Variants in ZNF83 observed in about 807,000 individuals in gnomAD.
The protein encoded by ZNF83 is zinc finger protein 83.
For missense variants in ZNF83, 552 were observed against 629.9 expected (o/e 0.88, Z 1.32); for synonymous variants, 209 against 213.0 (o/e 0.98, Z 0.17).
intron 2 of ZNF83, among the ~76,000 whole-genome samples, chr19:52,621,900 TC>T (rs2060563008): frequency 6.8e-6 from 1 of 147,710 alleles, no homozygotes; most frequent in Admixed American, 6.8e-5. Flanking sequence ...AGGCATTTTT[TC>T]ACTTCACTTC....
At chr19:52,690,360 G>C in intron 1 of ZNF83, 1 of 154,268 alleles carries the variant, frequency 6.5e-6, no homozygotes, top group Admixed American at 6.5e-5. Context: ...AGAAGTTCCA[G>C]ATCTGTGGGG....
chr19:52,623,175 G>C (rs1471011986), intron 2 of ZNF83, among the ~76,000 whole-genome samples: 1 of 152,208 alleles, frequency 6.6e-6, no homozygotes, highest in Non-Finnish European at 1.5e-5. Flanking sequence ...CTGGCCCATG[G>C]CTCTTTGACT....
intron 1 of ZNF83, among the ~76,000 whole-genome samples, chr19:52,677,028 C>A (rs1311915939): frequency 6.8e-6 from 1 of 147,662 alleles, no homozygotes; most frequent in Non-Finnish European, 1.5e-5. Context: ...AAACCAGAGA[C>A]CTTTGTTCAC....
intron 3 of ZNF83, among the ~76,000 whole-genome samples, chr19:52,647,116 G>A (rs2061381808): frequency 6.6e-6 from 1 of 151,964 alleles, no homozygotes; most frequent in Non-Finnish European, 1.5e-5. Flanking sequence ...AACAGAAAGT[G>A]GTTTTTTTCC....
chr19:52,614,916 C>G, intron 2 of ZNF83, 119 bp from the exon 3 acceptor site: 1 of 986,946 alleles, frequency 1.0e-6, no homozygotes, highest in Non-Finnish European at 1.3e-6. Context: ...AGTTATAAAA[C>G]TCCCATTCAT....
intron 3 of ZNF83, among the ~76,000 whole-genome samples, chr19:52,646,284 C>T (rs1051233160): frequency 2.6e-5 from 4 of 151,982 alleles, no homozygotes. Flanking sequence ...ATGGCTAATC[C>T]CTGTAATGCT....
At chr19:52,654,027 C>G in intron 3 of ZNF83, 1 of 1,571,058 alleles carries the variant, frequency 6.4e-7, no homozygotes, top group African/African-American at 1.3e-5. Flanking sequence ...ATGTTGAAAC[C>G]AAGGAAGCAT....
intron 3 of ZNF83, chr19:52,655,352 C>G (rs34004052): frequency 0.013 from 6,480 of 485,672 alleles, 64 homozygotes; most frequent in Non-Finnish European, 0.018. Flanking sequence ...TCAAAGTGTT[C>G]ATGAATGTTC....
At chr19:52,629,579 C>T (rs533776726) in intron 2 of ZNF83, among the ~76,000 whole-genome samples, 233 of 152,288 alleles carry the variant, frequency 1.5e-3, no homozygotes, top group Non-Finnish European at 2.9e-3. Flanking sequence ...GACTAGCCCT[C>T]CCCCACCTGC....
chr19:52,651,054 G>A (rs900133355), intron 3 of ZNF83: 11 of 152,182 alleles, frequency 7.2e-5, no homozygotes, highest in Non-Finnish European at 1.6e-4. Context: ...TACTTGAACT[G>A]TGCATGTCTC....
At chr19:52,689,868 C>T (rs1208522417) in intron 1 of ZNF83, among the ~76,000 whole-genome samples, 2 of 152,208 alleles carry the variant, frequency 1.3e-5, no homozygotes, top group African/African-American at 4.8e-5. Flanking sequence ...AAGAACACCC[C>T]GTGTCACAGG....
At position 52,681,431 on chromosome 19, in the gene ZNF83, AAG is replaced by A. The variant is rs1273014356; in HGVS notation, c.-283+9010_-283+9011del. Among the ~76,000 whole-genome samples the A allele has an allele frequency of 1.4e-4, 22 of 152,270 alleles. No individual in the cohort carries two copies. The East Asian group carries it at 4.2e-3, about 29-fold the overall frequency. ...GTCCAATGAATTTGATAGAAAAGAA[AAG>A]AGAGTAAAGTCCAAAACTGAAAACT... On this transcript the variant is annotated intron_variant, in intron 1 of 5. Transcript: ENST00000594682.
chr19:52,664,717 G>A (rs1281385740), intron 1 of ZNF83, among the ~76,000 whole-genome samples: 1 of 150,994 alleles, frequency 6.6e-6, no homozygotes, highest in African/African-American at 2.4e-5. Flanking sequence ...GCCTGAGTGA[G>A]GCCAGGGTGG....
exon 3 of ZNF83, chr19:52,612,907 C>CA: frequency 2.0e-6 from 2 of 978,280 alleles, no homozygotes; most frequent in Non-Finnish European, 3.0e-6. Context: ...AAGCCTTGAA[C>CA]AAAAACTAAA....
intron 2 of ZNF83, among the ~76,000 whole-genome samples, chr19:52,632,865 A>G (rs2061017104): frequency 6.6e-6 from 1 of 152,048 alleles, no homozygotes; most frequent in South Asian, 2.1e-4. Flanking sequence ...CCCTTACCAC[A>G]AAATCTTCCT....
chr19:52,641,031 C>G (rs10424769), upstream of ZNF83, among the ~76,000 whole-genome samples: 40,925 of 150,414 alleles, frequency 0.27, 5,900 homozygotes, highest in Middle Eastern at 0.35. Flanking sequence ...AGCCCGAACC[C>G]GACCCTTGCC....
At chr19:52,680,651 CG>C (rs2061895045) in intron 1 of ZNF83, among the ~76,000 whole-genome samples, 1 of 124,242 alleles carries the variant, frequency 8.0e-6, no homozygotes, top group African/African-American at 3.3e-5. Context: ...CTCGCTCTGT[CG>C]CCCAGGCTGG....
chr19:52,630,452 C>T (rs1027773645), intron 2 of ZNF83, among the ~76,000 whole-genome samples: 1 of 152,098 alleles, frequency 6.6e-6, no homozygotes, highest in Non-Finnish European at 1.5e-5. Context: ...CTTAAAACTC[C>T]CCCACTCTGG....
In ZNF83 at chr19:52,680,606, A is replaced by ATTTT. The variant is rs556558292; in HGVS notation, c.-283+9833_-283+9836dup. Reference sequence around the variant, plus strand: ...GTTTTATTGTACTTTTCCACAAAATATTTTTTTTTTTTTTTTTTTTTTTTG... The same window carrying ATTTT: ...GTTTTATTGTACTTTTCCACAAAATATTTTTTTTTTTTTTTTTTTTTTTTTTTTG... On this transcript the variant is annotated intron_variant, in intron 1 of 5. Transcript: ENST00000594682. Among the ~76,000 whole-genome samples, 336 of 88,952 alleles carry ATTTT rather than the reference A, an allele frequency of 3.8e-3. 3 individuals carry two copies. The highest frequency in any genetic ancestry group is 4.7e-3 in the African/African-American group (102 of 21,882). The allele number at this position is 88,952 out of a possible 152,430, so 58.4% of individuals were successfully genotyped here.
Sources: gnomAD v4.1 joint callset for allele counts (sites outside exome capture counted in the v4.1 genomes callset) on GRCh38, gnomAD v4.1.1 for gene constraint, MANE v1.5 for transcripts, NCBI Gene and HGNC (gene_info 2026-07-23, HGNC 2026-07-21) for gene names.